KNDC1: variants seen among roughly 807,000 people sequenced by gnomAD.
The protein encoded by KNDC1 is kinase non-catalytic C-lobe domain containing 1.
Under a neutral mutation model 172.8 loss-of-function variants are expected in KNDC1, and 106 were observed. The observed-to-expected ratio is 0.61, with a 90% confidence interval of 0.52 to 0.72. The LOEUF (loss-of-function observed/expected upper bound fraction) is 0.72, where lower values mean the gene tolerates loss of function less well. KNDC1 is among the 30% of genes least tolerant of loss of function. The probability of loss-of-function intolerance (pLI) is 0.00; values close to 1 mark genes in which losing one functional copy is unlikely to be tolerated. For synonymous variants in KNDC1, 1,083 were observed against 1,062.2 expected (o/e 1.02, Z -0.38); for missense variants, 2,325 against 2,394.5 (o/e 0.97, Z 0.61).
At position 133,198,456 on chromosome 10, in the gene KNDC1, C is replaced by A; in HGVS notation, c.2026C>A (p.His676Asn). ...LPAAFTSEAT[H>N]FKPIVLAQNA... ...TGCAGCGTTCACCTCCGAGGCCACG[C>A]ACTTCAAGCCCATTGTCCTCGCGCA... is the stretch of plus-strand genomic sequence containing the variant. Residue 676 changes from histidine to asparagine, a missense_variant, in exon 13 of 30, where the codon CAC (histidine) becomes AAC (asparagine). By Grantham distance (68) the His-to-Asn change is moderately conservative. Transcript: ENST00000304613. 4 of 1,606,064 alleles carry A rather than the reference C, an allele frequency of 2.5e-6. No individual in the cohort carries two copies. Among genetic ancestry groups the A allele is most frequent in the Non-Finnish European group, 3.4e-6 (4 of 1,176,700 alleles).
intron 3 of KNDC1, among the ~76,000 whole-genome samples, chr10:133,179,816 C>T (rs756868276): frequency 6.6e-6 from 1 of 152,192 alleles, no homozygotes; most frequent in African/African-American, 2.4e-5. Flanking sequence ...CCCGGCTCCC[C>T]GTCGCCCTGT....
At chr10:133,202,107 C>A (rs1486563399) in intron 17 of KNDC1, 5 of 710,424 alleles carry the variant, frequency 7.0e-6, no homozygotes. Flanking sequence ...CTCGTCTGCA[C>A]TGGTGCTCCT....
chr10:133,210,635 G>C lies in KNDC1; in HGVS notation c.3819G>C (p.Val1273=). ...YSSDAFLEGY[V]QQFLYTFRYF... ...GTGATGCCTTCCTGGAGGGTTATGT[G>C]CAGCAATTCCTCTACACCTTCCGCT... Residue 1273 remains valine (V), a synonymous_variant, in exon 21 of 30, where the codon GTG becomes GTC. Coordinates refer to ENST00000304613, the MANE Select transcript of KNDC1 (RefSeq NM_152643.8). The C allele has an allele frequency of 6.2e-7, 1 of 1,613,150 alleles. No individual in the cohort carries two copies. Among genetic ancestry groups the C allele is most frequent in the East Asian group, 2.2e-5 (1 of 44,864 alleles).
At chr10:133,211,918 A>G in intron 23 of KNDC1, 60 bp downstream of exon 23, 1 of 1,519,498 alleles carries the variant, frequency 6.6e-7, no homozygotes, top group Non-Finnish European at 8.8e-7. Flanking sequence ...CCCTGAGCCC[A>G]GCCTCAAAGA....
intron 29 of KNDC1, among the ~76,000 whole-genome samples, chr10:133,221,850 C>G (rs1317969307): frequency 2.4e-4 from 21 of 88,418 alleles, no homozygotes; most frequent in African/African-American, 8.1e-4. Context: ...TGGGTGCAGC[C>G]ACTCACGCCT....
At chr10:133,167,146 C>G in intron 1 of KNDC1, 1 of 566,302 alleles carries the variant, frequency 1.8e-6, no homozygotes. Flanking sequence ...CAGGAGCCGA[C>G]ACCTGCTCTG....
chr10:133,219,693 G>A (rs1845541811), intron 28 of KNDC1, among the ~76,000 whole-genome samples: 1 of 152,248 alleles, frequency 6.6e-6, no homozygotes, highest in African/African-American at 2.4e-5. Context: ...CAAGGAAAGG[G>A]ACTCACCATT....
chr10:133,182,426 G>A (rs555446745), intron 3 of KNDC1, among the ~76,000 whole-genome samples: 1 of 143,402 alleles, frequency 7.0e-6, no homozygotes, highest in South Asian at 2.1e-4. Flanking sequence ...CAGGTGCGGG[G>A]GCAGAGCAGG....
chr10:133,177,250 T>C lies in KNDC1; in HGVS notation c.361-6094T>C, dbSNP rs935823980. 2.6e-5 allele frequency among the ~76,000 whole-genome samples: 4 copies of C among 151,038 alleles called. No individual in the cohort carries two copies. The East Asian group carries it at 5.8e-4, about 22-fold the overall frequency. ...GTGTGCATATGCATGCAATATGATA[T>C]AGTGTGTTTTGTGTGCACATGTATG... On this transcript the variant is annotated intron_variant, in intron 3 of 29. Transcript: ENST00000304613.
At chr10:133,196,435 G>C (rs1053050962) in intron 10 of KNDC1, among the ~76,000 whole-genome samples, 1 of 152,194 alleles carries the variant, frequency 6.6e-6, no homozygotes, top group Admixed American at 6.5e-5. Flanking sequence ...CGAGCTGGGT[G>C]TGGGTGATCA....
At chr10:133,197,603 C>T (rs1337386426) in intron 11 of KNDC1, 72 bp from the exon 12 acceptor site, 22 of 1,152,770 alleles carry the variant, frequency 1.9e-5, no homozygotes, top group Admixed American at 5.2e-5. Context: ...TGGTGGGGGA[C>T]GCCCTGTGGG....
chr10:133,189,669 GGTGA>G lies in KNDC1; in HGVS notation c.1513+4_1513+7del. The G allele has an allele frequency of 2.5e-6, 4 of 1,613,964 alleles. No homozygotes were observed. The highest frequency in any genetic ancestry group is 3.4e-6 in the Non-Finnish European group (4 of 1,179,982). On this transcript the variant is annotated splice_donor_variant and splice_donor_region_variant and intron_variant, in intron 8 of 29. Coordinates refer to ENST00000304613, the MANE Select transcript of KNDC1 (RefSeq NM_152643.8). LOFTEE classifies it high-confidence loss of function. The stretch of plus-strand genomic sequence containing the variant: ...GCTCTTCCAGCCACCCCCTGCCAAC[GGTGA>G]GTGTGTGGGTTCCCCTCAGGCCGAG...
At chr10:133,210,576 CCCA>C in intron 20 of KNDC1, 32 bp from the exon 21 acceptor site, 1 of 1,367,034 alleles carries the variant, frequency 7.3e-7, no homozygotes, top group Non-Finnish European at 1.0e-6. Flanking sequence ...GTGCGGCCAC[CCCA>C]CCACCTCACC....
intron 6 of KNDC1, 131 bp from the exon 7 acceptor site, chr10:133,188,408 A>G (rs1853979863): frequency 1.6e-6 from 1 of 608,552 alleles, no homozygotes; most frequent in Non-Finnish European, 2.9e-6. Flanking sequence ...TAGCCCTTCT[A>G]TCAGGTGTGG....
At position 133,199,002 on chromosome 10, in the gene KNDC1, C is replaced by T. The variant is rs1210433462; in HGVS notation, c.2494C>T (p.Pro832Ser). 1 of 1,559,336 alleles carries T rather than the reference C, an allele frequency of 6.4e-7. No individual in the cohort carries two copies. Among genetic ancestry groups the T allele is most frequent in the Admixed American group, 1.9e-5 (1 of 52,616 alleles). ...HHGPRHPPKP[P>S]RSKATERPGQ... ...CGGCCCACGCCACCCGCCCAAGCCC[C>T]CACGAAGCAAGGCCACCGAGCGCCC... The change falls in exon 14 of 30, where the codon CCA becomes TCA. Residue 832 changes from proline to serine, a missense_variant. Pro to Ser is a moderately conservative substitution (Grantham distance 74, BLOSUM62 -1). Coordinates refer to ENST00000304613, the MANE Select transcript of KNDC1 (RefSeq NM_152643.8).
chr10:133,222,249 C>A (rs1391607321), intron 29 of KNDC1, among the ~76,000 whole-genome samples: 1 of 147,784 alleles, frequency 6.8e-6, no homozygotes, highest in Admixed American at 6.8e-5. Context: ...CGCCACCGCA[C>A]TCCAGCCTGG....
chr10:133,167,592 TGGCGGTGGCGGCGGC>T lies in KNDC1; in HGVS notation c.301+19_301+33del, dbSNP rs750776125. ...GAGCAGCTCAGCGGTGAGGCGGCGG[TGGCGGTGGCGGCGGC>T]GGCGGGCACGCGGGGTGGAGGTGCC... On this transcript the variant is annotated intron_variant, in intron 2 of 29. Coordinates refer to ENST00000304613, the MANE Select transcript of KNDC1 (RefSeq NM_152643.8). The T allele has an allele frequency of 1.2e-4, 193 of 1,566,666 alleles. 1 individual carries two copies. In the African/African-American group the frequency reaches 2.5e-3, roughly 20 times the overall value.
intron 16 of KNDC1, 25 bp downstream of exon 16, chr10:133,200,485 CAGG>C: frequency 6.7e-7 from 1 of 1,489,764 alleles, no homozygotes; most frequent in South Asian, 1.3e-5. Flanking sequence ...GGCCCCGCGG[CAGG>C]AGCTCTGCTG....
Position 133,219,059 on chromosome 10 carries a change from C to G in KNDC1, c.4829C>G (p.Ala1610Gly). The change falls in exon 28 of 30, where the codon GCA (alanine) becomes GGA (glycine). Residue 1610 changes from alanine (A) to glycine (G), a missense_variant. Ala to Gly is a moderately conservative substitution (Grantham distance 60, BLOSUM62 0). Transcript: ENST00000304613. ...PAWRILPAKI[A>G]EVMEELKAVE... Reference sequence around the variant, plus strand: ...TGGAGAATTCTGCCTGCAAAGATAGCAGAGGTCATGGAGGAGCTGAAAGCC... The same window carrying G: ...TGGAGAATTCTGCCTGCAAAGATAGGAGAGGTCATGGAGGAGCTGAAAGCC... 1 of 1,614,016 alleles carries G rather than the reference C, an allele frequency of 6.2e-7. No homozygotes were observed.
Sources: allele counts gnomAD v4.1 joint callset (sites outside exome capture counted in the v4.1 genomes callset), GRCh38; gene constraint gnomAD v4.1.1; transcripts MANE v1.5; gene names NCBI Gene and HGNC (gene_info 2026-07-23, HGNC 2026-07-21).